LY75: variants seen among roughly 807,000 people sequenced by gnomAD.
LY75 encodes the protein C-type lectin domain family 13 member B.
In LY75, 185 loss-of-function variants were observed where a neutral mutation model predicts 231.7. That is an observed-to-expected ratio of 0.80 (90% CI 0.71 to 0.90). LY75 has a LOEUF of 0.90. Among genes scored for constraint, LY75 ranks in the 40% least tolerant of loss-of-function variants. The probability of loss-of-function intolerance (pLI) is 0.00; values close to 1 mark genes in which losing one functional copy is unlikely to be tolerated. For missense variants in LY75, 1,947 were observed against 2,050.2 expected, an observed-to-expected ratio of 0.95 and a Z score of 0.97; for synonymous variants, 668 against 689.0, an observed-to-expected ratio of 0.97 and a Z score of 0.48.
intron 3 of LY75, among the ~76,000 whole-genome samples, 168 bp downstream of exon 3, chr2:159,893,746 G>T (rs1252922206): frequency 1.3e-5 from 2 of 152,108 alleles, no homozygotes; most frequent in Non-Finnish European, 2.9e-5. Flanking sequence ...GCTTCTGAAG[G>T]CAAATTCATG....
At chr2:159,875,715 C>A in intron 11 of LY75, 72 bp from the exon 12 acceptor site, 2 of 1,559,320 alleles carry the variant, frequency 1.3e-6, no homozygotes, top group Admixed American at 2.0e-5. Flanking sequence ...TGTTTCTACT[C>A]TTTACTTCAG....
chr2:159,850,773 C>CATATATATATATATATATATATAG (rs1684363840), intron 21 of LY75, among the ~76,000 whole-genome samples: 1 of 27,176 alleles, frequency 3.7e-5, no homozygotes, highest in African/African-American at 1.1e-4. Context: ...TTCAAACTTT[C>CATATATATATATATATATATATAG]ATATATATAT....
At position 159,853,332 on chromosome 2, in the gene LY75, C is replaced by T. The variant is rs769958148; in HGVS notation, c.2684G>A (p.Arg895His). The change falls in exon 20 of 35, where the codon CGC becomes CAC. Residue 895 changes from arginine (R) to histidine (H), a missense_variant. By Grantham distance (29) the Arg-to-His change is conservative. Coordinates refer to ENST00000263636, the MANE Select transcript of LY75 (RefSeq NM_002349.4). ...TTCCTCTCCAAATGTCACAGGAAAG[C>T]GGTGCCATGGATATCGTGAGCTAAA... ...HFTYSRYPWH[R>H]FPVTFGEECL... 1.2e-5 allele frequency: 20 copies of T among 1,613,342 alleles called. No homozygotes were observed. The highest frequency in any genetic ancestry group is 9.3e-5 in the African/African-American group (7 of 74,918).
rs1195269262 is a variant in LY75 at position 159,898,913 on chromosome 2, G to C, written c.241C>G (p.Gln81Glu). Residue 81 changes from glutamine (Q) to glutamate (E), a missense_variant, in exon 2 of 35, where the codon CAA (glutamine) becomes GAA (glutamate). Coordinates refer to ENST00000263636, the MANE Select transcript of LY75 (RefSeq NM_002349.4). ...GTAATATCGAGGCCAAGGCACTTTT[G>C]GGAGTGCAAATGAAAGAGCCGATGC... The part of the protein sequence containing the change: ...SQHRLFHLHS[Q>E]KCLGLDITKS... 3.1e-6 allele frequency: 5 copies of C among 1,614,112 alleles called. No homozygotes were observed. In the African/African-American group the frequency reaches 6.7e-5, roughly 22 times the overall value.
intron 23 of LY75, among the ~76,000 whole-genome samples, chr2:159,849,019 T>C (rs1465544385): frequency 6.6e-6 from 1 of 152,184 alleles, no homozygotes; most frequent in South Asian, 2.1e-4. Flanking sequence ...AGATTATGCT[T>C]AAAAGTTTAA....
At chr2:159,845,196 G>A (rs1476102701) in intron 23 of LY75, among the ~76,000 whole-genome samples, 2 of 152,098 alleles carry the variant, frequency 1.3e-5, no homozygotes, top group Non-Finnish European at 2.9e-5. Context: ...AAGATTAATA[G>A]AAAGATGTCA....
At chr2:159,885,840 G>C (rs1164849544) in intron 5 of LY75, among the ~76,000 whole-genome samples, 1 of 152,040 alleles carries the variant, frequency 6.6e-6, no homozygotes, top group East Asian at 1.9e-4. Flanking sequence ...TTAACTTTAG[G>C]TTCTACATTT....
Position 159,898,814 on chromosome 2 carries a change from A to C in LY75, c.340T>G (p.Ser114Ala), listed in dbSNP as rs1220207194. ...AMLWWKCEHH[S>A]LYGAARYRLA... ...CGGTACCGGGCAGCTCCGTACAGAG[A>C]GTGGTGCTCACATTTCCACCACAGC... Residue 114 changes from serine to alanine, a missense_variant, in exon 2 of 35, where the codon TCT becomes GCT. Physicochemically the swap from Ser to Ala is moderately conservative, Grantham distance 99. Transcript: ENST00000263636. 1.2e-6 allele frequency: 2 copies of C among 1,614,192 alleles called. No homozygotes were observed. The highest frequency in any genetic ancestry group is 1.7e-6 in the Non-Finnish European group (2 of 1,180,030).
At chr2:159,859,062 C>T (rs1684623554) in intron 15 of LY75, among the ~76,000 whole-genome samples, 1 of 152,210 alleles carries the variant, frequency 6.6e-6, no homozygotes, top group Non-Finnish European at 1.5e-5. Context: ...CCTGGCTGGG[C>T]TTGTTCCTGA....
chr2:159,834,311 C>T (rs184583875), intron 26 of LY75, 100 bp from the exon 27 acceptor site: 115 of 1,472,846 alleles, frequency 7.8e-5, no homozygotes, highest in African/African-American at 1.1e-4. Flanking sequence ...TTCAGGAAGC[C>T]GAGAAGTAAT....
Position 159,882,165 on chromosome 2 carries a change from A to C in LY75, c.1205T>G (p.Leu402Arg). The change falls in exon 7 of 35, where the codon CTA (leucine) becomes CGA (arginine). Residue 402 changes from leucine (L) to arginine (R), a missense_variant. Physicochemically the swap from Leu to Arg is moderately radical, Grantham distance 102. Transcript: ENST00000263636. ...FSSDLISIHS[L>R]ADVEVVVTKL... ...TGTGACAACCACCTCCACATCTGCT[A>C]GAGAATGAATGCTGATTAGGTCACT... is the stretch of plus-strand genomic sequence containing the variant. The C allele has an allele frequency of 6.2e-7, 1 of 1,613,688 alleles. No individual in the cohort carries two copies. Among genetic ancestry groups the C allele is most frequent in the Non-Finnish European group, 8.5e-7 (1 of 1,179,806 alleles).
chr2:159,887,364 C>A (rs940961554), intron 4 of LY75, among the ~76,000 whole-genome samples: 3 of 151,218 alleles, frequency 2.0e-5, no homozygotes, highest in African/African-American at 7.3e-5. Context: ...TTGAGACCAG[C>A]CTGGCCAACA....
chr2:159,850,812 A>G (rs934981762), intron 21 of LY75, among the ~76,000 whole-genome samples: 8 of 135,746 alleles, frequency 5.9e-5, no homozygotes, highest in African/African-American at 2.0e-4. Context: ...TATCTTATAT[A>G]TAAGATATAT....
intron 32 of LY75, among the ~76,000 whole-genome samples, chr2:159,808,976 A>G (rs941468806): frequency 1.3e-5 from 2 of 152,200 alleles, no homozygotes; most frequent in African/African-American, 2.4e-5. Context: ...CTTAACCTAC[A>G]TATTAGTTTT....
At chr2:159,868,011 A>G (rs1684906106) in intron 13 of LY75, among the ~76,000 whole-genome samples, 2 of 152,218 alleles carry the variant, frequency 1.3e-5, no homozygotes, top group Non-Finnish European at 2.9e-5. Context: ...AGAAAGGTCA[A>G]TTCCTGCAAT....
chr2:159,868,258 A>G (rs1225445967), intron 13 of LY75, among the ~76,000 whole-genome samples: 2 of 152,184 alleles, frequency 1.3e-5, no homozygotes, highest in Non-Finnish European at 2.9e-5. Flanking sequence ...TACAGTTCCT[A>G]TAAGTGAAGG....
intron 14 of LY75, among the ~76,000 whole-genome samples, chr2:159,862,916 T>C (rs1405355576): frequency 6.6e-6 from 1 of 152,084 alleles, no homozygotes; most frequent in African/African-American, 2.4e-5. Flanking sequence ...CCTATCTAAA[T>C]GAAATTTTGT....
chr2:159,855,069 C>G, intron 16 of LY75, 130 bp from the exon 17 acceptor site: 3 of 1,173,170 alleles, frequency 2.6e-6, no homozygotes, highest in Non-Finnish European at 3.6e-6. Flanking sequence ...GGCCAACCCA[C>G]TTCACGTTTT....
intron 4 of LY75, among the ~76,000 whole-genome samples, chr2:159,886,865 A>G (rs1685602234): frequency 2.0e-5 from 3 of 152,142 alleles, no homozygotes; most frequent in African/African-American, 7.2e-5. Flanking sequence ...ACTTATCAAA[A>G]GCAGTTTCCA....
Sources: gnomAD v4.1 joint callset for allele counts (sites outside exome capture counted in the v4.1 genomes callset) on GRCh38, gnomAD v4.1.1 for gene constraint, MANE v1.5 for transcripts, NCBI Gene and HGNC (gene_info 2026-07-23, HGNC 2026-07-21) for gene names.